PLXDC1: variants seen among roughly 807,000 people sequenced by gnomAD.
PLXDC1 encodes plexin domain containing 1, also known as plexin domain-containing protein 1.
Under a neutral mutation model 61.3 loss-of-function variants are expected in PLXDC1, and 39 were observed. That is an observed-to-expected ratio of 0.64 (90% confidence interval 0.49 to 0.83). PLXDC1 has a LOEUF of 0.83. PLXDC1 is among the 40% of genes least tolerant of loss of function. The pLI is 0.00. For synonymous variants in PLXDC1, 212 were observed against 254.5 expected (o/e 0.83, Z 1.59); for missense variants, 596 against 666.5 (o/e 0.89, Z 1.17).
At position 39,067,172 on chromosome 17, in the gene PLXDC1, C is replaced by G. The variant is rs1293835953; in HGVS notation, c.*668G>C. 1 of 152,186 alleles carries G rather than the reference C, an allele frequency of 6.6e-6. No individual in the cohort carries two copies. Among genetic ancestry groups the G allele is most frequent in the Non-Finnish European group, 1.5e-5 (1 of 68,042 alleles). The allele number at this position is 152,186 out of a possible 1,614,324, so 9.4% of individuals were successfully genotyped here. ...ACTTTATTTCGGAGAGCCAGCAAAC[C>G]AAGAAGATGGTGGACTAATGTCCTA... On this transcript the variant is annotated 3_prime_UTR_variant, in exon 14 of 14. Coordinates refer to ENST00000315392, the MANE Select transcript of PLXDC1 (RefSeq NM_020405.5).
In PLXDC1 at chr17:39,139,246, C is replaced by G. The variant is rs139410968; in HGVS notation, c.255+408G>C. On this transcript the variant is annotated intron_variant, in intron 2 of 13. Coordinates refer to ENST00000315392, the MANE Select transcript of PLXDC1 (RefSeq NM_020405.5). ...CCCTTAGGCTAAGCAGCCATTAATC[C>G]TCTTGCGCCCCAGTCTGTAGATGGG... is the stretch of plus-strand genomic sequence containing the variant. Among the ~76,000 whole-genome samples, 338 of 152,306 alleles carry G rather than the reference C, an allele frequency of 2.2e-3. 9 individuals carry two copies. The East Asian group carries it at 0.036, about 16-fold the overall frequency.
At chr17:39,117,509 T>C (rs1486808771) in intron 2 of PLXDC1, among the ~76,000 whole-genome samples, 1 of 151,916 alleles carries the variant, frequency 6.6e-6, no homozygotes, top group Non-Finnish European at 1.5e-5. Context: ...GGCAGAAACA[T>C]CGCTTGAATC....
chr17:39,127,483 T>C (rs1911345066), intron 2 of PLXDC1, among the ~76,000 whole-genome samples: 1 of 152,048 alleles, frequency 6.6e-6, no homozygotes, highest in Non-Finnish European at 1.5e-5. Context: ...CTTCAGACAA[T>C]AGCATCCCCA....
Position 39,095,367 on chromosome 17 carries a change from G to GGCCCCCCC in PLXDC1, c.812-7666_812-7665insGGGGGGGC, listed in dbSNP as rs1910122653. On this transcript the variant is annotated intron_variant, in intron 7 of 13. Coordinates refer to ENST00000315392, the MANE Select transcript of PLXDC1 (RefSeq NM_020405.5). The stretch of plus-strand genomic sequence containing the variant: ...TTTAATAAAAGAATCCTTACGCCCC[G>GGCCCCCCC]CCCCCCCCCCCCAACCCCCCAAGCC... 2.6e-4 allele frequency among the ~76,000 whole-genome samples: 2 copies of GGCCCCCCC among 7,614 alleles called. 1 individual carries two copies. Among genetic ancestry groups the GGCCCCCCC allele is most frequent in the East Asian group, 7.7e-3 (2 of 260 alleles). 5.0% of individuals were successfully genotyped at this position (7,614 alleles called of 152,430 possible). A position where few individuals can be genotyped will look rare whatever the true frequency, so the allele number is the denominator to read the frequency against.
rs944522469 is a variant in PLXDC1, at chr17:39,077,013, G to A, written c.1186+900C>T. Among the ~76,000 whole-genome samples the A allele has an allele frequency of 1.7e-4, 26 of 152,124 alleles. 1 individual carries two copies. Among genetic ancestry groups the A allele is most frequent in the Non-Finnish European group, 3.2e-4 (22 of 68,028 alleles). Reference sequence around the variant, plus strand: ...CTTCCAAAATGCTGGAATTACAAGCGTGAGCCACCGCGCCCGGCCAATTTT... The same window carrying A: ...CTTCCAAAATGCTGGAATTACAAGCATGAGCCACCGCGCCCGGCCAATTTT... On this transcript the variant is annotated intron_variant, in intron 11 of 13. Coordinates refer to ENST00000315392, the MANE Select transcript of PLXDC1 (RefSeq NM_020405.5).
At chr17:39,076,153 C>A (rs548732157) in intron 11 of PLXDC1, among the ~76,000 whole-genome samples, 1 of 151,376 alleles carries the variant, frequency 6.6e-6, no homozygotes, top group Admixed American at 6.6e-5. Flanking sequence ...TCACCACTTA[C>A]CCCTCCCATA....
chr17:39,113,276 C>T (rs539099922), intron 2 of PLXDC1: 1 of 152,186 alleles, frequency 6.6e-6, no homozygotes, highest in Non-Finnish European at 1.5e-5. Context: ...CCTGCTGACA[C>T]CTTAATTTCA....
At chr17:39,127,647 A>C (rs537568220) in intron 2 of PLXDC1, among the ~76,000 whole-genome samples, 74 of 152,222 alleles carry the variant, frequency 4.9e-4, no homozygotes, top group African/African-American at 1.8e-3. Context: ...AAAATAGCCC[A>C]AAAAGACATG....
intron 4 of PLXDC1, 125 bp from the exon 5 acceptor site, chr17:39,108,370 G>T: frequency 9.9e-7 from 1 of 1,010,250 alleles, no homozygotes; most frequent in Non-Finnish European, 1.5e-6. Flanking sequence ...GACCTCTGTC[G>T]CCCATCCCCA....
chr17:39,151,553 G>T lies in PLXDC1; in HGVS notation c.-116C>A. On this transcript the variant is annotated 5_prime_UTR_variant, in exon 1 of 14. Coordinates refer to ENST00000315392, the MANE Select transcript of PLXDC1 (RefSeq NM_020405.5). This position sits in a 1 kb window ranked among gnomAD's most constrained non-coding sequence, Gnocchi z 5.2. ...CGGGGCTGGCGGAGGGGCGGGCGGC[G>T]AGGAGACGGCGGAGCGCGGGGCCGG... is the stretch of plus-strand genomic sequence containing the variant. 1.7e-6 allele frequency: 2 copies of T among 1,207,708 alleles called. No homozygotes were observed. Among genetic ancestry groups the T allele is most frequent in the Non-Finnish European group, 2.1e-6 (2 of 972,444 alleles). The allele number at this position is 1,207,708 out of a possible 1,614,324, so 74.8% of individuals were successfully genotyped here. A position where few individuals can be genotyped will look rare whatever the true frequency, so the allele number is the denominator to read the frequency against.
chr17:39,095,673 T>C (rs1228466758), intron 7 of PLXDC1, among the ~76,000 whole-genome samples: 1 of 152,004 alleles, frequency 6.6e-6, no homozygotes, highest in East Asian at 1.9e-4. Flanking sequence ...TTTGTTTTGT[T>C]TTTGTTTTTG....
upstream of PLXDC1, chr17:39,152,626 G>A: frequency 8.0e-7 from 1 of 1,246,524 alleles, no homozygotes; most frequent in Non-Finnish European, 1.0e-6. Context: ...CTAGTGGGCT[G>A]GGGCCTAGGG....
At chr17:39,139,631 C>T in intron 2 of PLXDC1, 23 bp downstream of exon 2, 1 of 1,585,096 alleles carries the variant, frequency 6.3e-7, no homozygotes, top group South Asian at 1.1e-5. Flanking sequence ...TTCGCTCCCC[C>T]TCCATGTTCC....
At chr17:39,146,336 G>T (rs2045342252) in intron 1 of PLXDC1, among the ~76,000 whole-genome samples, 1 of 152,008 alleles carries the variant, frequency 6.6e-6, no homozygotes, top group South Asian at 2.1e-4. Flanking sequence ...CTCCCAAAGT[G>T]CTGGGATTAT....
chr17:39,102,689 A>G (rs1306290901), intron 7 of PLXDC1, among the ~76,000 whole-genome samples: 3 of 146,956 alleles, frequency 2.0e-5, no homozygotes, highest in Non-Finnish European at 3.0e-5. Context: ...AAACACTGAC[A>G]TCGTATGCTA....
intron 2 of PLXDC1, among the ~76,000 whole-genome samples, chr17:39,128,008 A>T (rs1370830081): frequency 7.0e-6 from 1 of 143,052 alleles, no homozygotes; most frequent in Non-Finnish European, 1.5e-5. Context: ...GCAAATCAAA[A>T]CTACAATGAA....
chr17:39,093,685 C>T (rs1025586880), intron 7 of PLXDC1, among the ~76,000 whole-genome samples: 75 of 151,048 alleles, frequency 5.0e-4, no homozygotes, highest in African/African-American at 1.8e-3. Context: ...TATTGCACTC[C>T]GGCCTGGGCG....
rs996648775 is a variant in PLXDC1, at chr17:39,066,040, C to T, written c.*1800G>A. On this transcript the variant is annotated 3_prime_UTR_variant, in exon 14 of 14. Coordinates refer to ENST00000315392, the MANE Select transcript of PLXDC1 (RefSeq NM_020405.5). ...TGTCCCAACCACTCAGGTGCTTTGC[C>T]TCTCAACAGAATCCACCTGCAGTTC... 1 of 152,306 alleles carries T rather than the reference C, an allele frequency of 6.6e-6. No individual in the cohort carries two copies. The highest frequency in any genetic ancestry group is 2.4e-5 in the African/African-American group (1 of 41,458). 9.4% of individuals were successfully genotyped at this position (152,306 alleles called of 1,614,324 possible).
Position 39,090,883 on chromosome 17 carries a change from C to CTCTG in PLXDC1, c.812-3185_812-3182dup, listed in dbSNP as rs67972017. Among the ~76,000 whole-genome samples the CTCTG allele has an allele frequency of 8.1e-3, 720 of 89,314 alleles. 4 individuals are homozygous for CTCTG. The highest frequency in any genetic ancestry group is 0.023 in the African/African-American group (674 of 29,688). The allele number at this position is 89,314 out of a possible 152,430, so 58.6% of individuals were successfully genotyped here. A position where few individuals can be genotyped will look rare whatever the true frequency, so the allele number is the denominator to read the frequency against. ...TCCTGTCCTTACTCTGTCTTTCTCC[C>CTCTG]TCTGTCTCTCTCTCTCTAGGACGGC... On this transcript the variant is annotated intron_variant, in intron 7 of 13. Transcript: ENST00000315392.
Sources: gnomAD v4.1 joint callset for allele counts (sites outside exome capture counted in the v4.1 genomes callset) on GRCh38, gnomAD v4.1.1 for gene constraint, Gnocchi (gnomAD v3.1) non-coding constraint, MANE v1.5 for transcripts, NCBI Gene and HGNC (gene_info 2026-07-23, HGNC 2026-07-21) for gene names.